The following RFX3 variants were observed in gnomAD, a reference collection of about 807,000 sequenced individuals.
The protein encoded by RFX3 is regulatory factor X3, also known as transcription factor RFX3.
A neutral mutation model predicts 98.6 loss-of-function variants in RFX3; 14 were observed. The observed-to-expected ratio is 0.14, with a 90% CI of 0.09 to 0.22. RFX3 has a LOEUF of 0.22. RFX3 is among the 10% of genes least tolerant of loss of function. The pLI is 1.00. For missense variants in RFX3, 639 were observed against 926.9 expected (o/e 0.69, Z 4.03); for synonymous variants, 383 against 328.4 (o/e 1.17, Z -1.80).
chr9:3,478,583 T>A (rs759783022), intron 1 of RFX3, among the ~76,000 whole-genome samples: 45 of 152,158 alleles, frequency 3.0e-4, no homozygotes, highest in Non-Finnish European at 5.0e-4. Context: ...TGAGAAGTCA[T>A]ACCTTCAAAC....
chr9:3,272,755 T>C (rs191034273), intron 9 of RFX3, among the ~76,000 whole-genome samples: 1 of 152,272 alleles, frequency 6.6e-6, no homozygotes, highest in East Asian at 1.9e-4. Flanking sequence ...AACACTTCTT[T>C]TAACCTACAT....
intron 1 of RFX3, among the ~76,000 whole-genome samples, chr9:3,432,693 T>A (rs1219023581): frequency 6.6e-6 from 1 of 152,166 alleles, no homozygotes; most frequent in Non-Finnish European, 1.5e-5. Flanking sequence ...ATTCCTTGAG[T>A]GCATCCAAAC....
intron 16 of RFX3, among the ~76,000 whole-genome samples, chr9:3,227,361 G>A (rs1817901625): frequency 6.6e-6 from 1 of 152,138 alleles, no homozygotes; most frequent in Admixed American, 6.6e-5. Flanking sequence ...GTTTCCTTTG[G>A]AGAACTTACA....
intron 1 of RFX3, among the ~76,000 whole-genome samples, chr9:3,409,155 T>G (rs1387164720): frequency 6.6e-6 from 1 of 152,196 alleles, no homozygotes; most frequent in Non-Finnish European, 1.5e-5. Flanking sequence ...GCCAACAACT[T>G]TTGGGGATCA....
intron 2 of RFX3, among the ~76,000 whole-genome samples, chr9:3,367,045 A>C (rs901987900): frequency 6.6e-6 from 1 of 152,086 alleles, no homozygotes; most frequent in Non-Finnish European, 1.5e-5. Context: ...GAGAATTCTA[A>C]AAATGCCTCC....
intron 1 of RFX3, among the ~76,000 whole-genome samples, chr9:3,497,734 C>T (rs558365000): frequency 1.9e-4 from 29 of 152,030 alleles, no homozygotes; most frequent in African/African-American, 7.0e-4. Flanking sequence ...TTACACTATA[C>T]CATTTACTTG....
intron 3 of RFX3, among the ~76,000 whole-genome samples, chr9:3,332,972 A>C (rs1432485586): frequency 2.6e-5 from 4 of 152,072 alleles, no homozygotes; most frequent in Non-Finnish European, 5.9e-5. Flanking sequence ...CAGGACTGTT[A>C]TGTTTTATGT....
intron 1 of RFX3, among the ~76,000 whole-genome samples, chr9:3,501,113 A>T (rs950246284): frequency 6.6e-6 from 1 of 152,204 alleles, no homozygotes; most frequent in Non-Finnish European, 1.5e-5. Flanking sequence ...GTAGCTATAT[A>T]AAATAACATA....
At chr9:3,384,766 C>A (rs955289332) in intron 2 of RFX3, among the ~76,000 whole-genome samples, 5 of 152,140 alleles carry the variant, frequency 3.3e-5, no homozygotes, top group Admixed American at 6.5e-5. Context: ...CAGGTGCCAC[C>A]TAACACCCTA....
intron 6 of RFX3, among the ~76,000 whole-genome samples, chr9:3,291,597 T>G (rs916531541): frequency 6.6e-6 from 1 of 152,150 alleles, no homozygotes; most frequent in Non-Finnish European, 1.5e-5. Flanking sequence ...CCATCATTTT[T>G]GAAAGCTCCC....
intron 2 of RFX3, among the ~76,000 whole-genome samples, chr9:3,375,580 A>G (rs982055004): frequency 7.2e-5 from 11 of 152,102 alleles, no homozygotes; most frequent in African/African-American, 2.4e-5. Context: ...TATTAAAGTT[A>G]TTTTATTCTT....
intron 1 of RFX3, among the ~76,000 whole-genome samples, chr9:3,444,748 G>A (rs562141797): frequency 6.6e-6 from 1 of 152,324 alleles, no homozygotes; most frequent in African/African-American, 2.4e-5. Context: ...TGTGGCTTCA[G>A]GAGAGAATCA....
At chr9:3,271,140 G>A (rs1193854367) in intron 9 of RFX3, 22 bp from the exon 10 acceptor site, 2 of 1,597,474 alleles carry the variant, frequency 1.3e-6, no homozygotes, top group African/African-American at 2.7e-5. Context: ...AATGGTACCA[G>A]TATTACCTTA....
chr9:3,395,737 C>G, intron 1 of RFX3, 141 bp from the exon 2 acceptor site: 1 of 794,342 alleles, frequency 1.3e-6, no homozygotes, highest in Non-Finnish European at 2.0e-6. Context: ...CATGACAGTC[C>G]GTGCATGTGT....
At chr9:3,487,397 T>A (rs1850367383) in intron 1 of RFX3, among the ~76,000 whole-genome samples, 1 of 152,212 alleles carries the variant, frequency 6.6e-6, no homozygotes, top group Non-Finnish European at 1.5e-5. Context: ...ATACTACTCT[T>A]TAAAGACCAA....
At chr9:3,345,453 G>A (rs564441210) in intron 3 of RFX3, among the ~76,000 whole-genome samples, 2 of 152,280 alleles carry the variant, frequency 1.3e-5, no homozygotes, top group African/African-American at 4.8e-5. Flanking sequence ...CAGTAGTGAT[G>A]TGGGTAGATT....
chr9:3,406,056 T>A (rs560710025), intron 1 of RFX3, among the ~76,000 whole-genome samples: 45 of 152,160 alleles, frequency 3.0e-4, no homozygotes, highest in African/African-American at 1.1e-3. Context: ...TCCCAGTCCC[T>A]GGTGATCCTC....
intron 1 of RFX3, among the ~76,000 whole-genome samples, chr9:3,515,557 T>C (rs1009935998): frequency 6.6e-6 from 1 of 152,158 alleles, no homozygotes; most frequent in African/African-American, 2.4e-5. Flanking sequence ...TGTAATGCAC[T>C]GATGTCTAAC....
Position 3,301,530 on chromosome 9 carries a change from A to G in RFX3, c.549+16T>C. The G allele has an allele frequency of 6.3e-7, 1 of 1,577,370 alleles. No homozygotes were observed. Among genetic ancestry groups the G allele is most frequent in the Non-Finnish European group, 8.7e-7 (1 of 1,150,322 alleles). ...ACAAGCAAGAGATTAGTGTACATGA[A>G]GAAGAGGCAACTTACATGGCTGTTG... On this transcript the variant is annotated intron_variant, in intron 5 of 16. Coordinates refer to ENST00000617270, the MANE Select transcript of RFX3 (RefSeq NM_001282116.2).
Sources: gnomAD v4.1 joint callset for allele counts (sites outside exome capture counted in the v4.1 genomes callset) on GRCh38, gnomAD v4.1.1 for gene constraint, MANE v1.5 for transcripts, NCBI Gene and HGNC (gene_info 2026-07-23, HGNC 2026-07-21) for gene names.